The following NCAM2 variants were observed in gnomAD, a reference collection of about 807,000 sequenced individuals.
NCAM2 encodes the protein N-CAM-2.
In NCAM2, 30 loss-of-function variants were observed where a neutral mutation model predicts 98.1. The observed-to-expected ratio is 0.31, with a 90% CI of 0.23 to 0.41. NCAM2 has a LOEUF of 0.41. Ranked by LOEUF, NCAM2 falls within the 10% of genes least tolerant of loss-of-function variation. The probability of loss-of-function intolerance (pLI) is 1.00; values close to 1 mark genes in which losing one functional copy is unlikely to be tolerated. For synonymous variants in NCAM2, 368 were observed against 342.4 expected (o/e 1.07, Z -0.83); for missense variants, 867 against 1,005.8 (o/e 0.86, Z 1.87).
intron 1 of NCAM2, among the ~76,000 whole-genome samples, chr21:21,189,554 C>T (rs989215656): frequency 2.0e-5 from 3 of 152,018 alleles, no homozygotes; most frequent in African/African-American, 4.8e-5. Context: ...AGCAAGACCT[C>T]GTCTCTATTT....
At chr21:21,215,469 C>A (rs1239094517) in intron 1 of NCAM2, among the ~76,000 whole-genome samples, 1 of 152,056 alleles carries the variant, frequency 6.6e-6, no homozygotes, top group African/African-American at 2.4e-5. Context: ...CCTGTAATCC[C>A]AGCACTTTGG....
intron 1 of NCAM2, among the ~76,000 whole-genome samples, chr21:21,268,882 A>C (rs1009901965): frequency 1.4e-4 from 22 of 152,172 alleles, no homozygotes; most frequent in Admixed American, 6.6e-4. Flanking sequence ...TAGGAGTTAC[A>C]GTCTAAGCAC....
intron 1 of NCAM2, among the ~76,000 whole-genome samples, chr21:21,268,127 G>C (rs763300218): frequency 3.3e-5 from 5 of 152,048 alleles, no homozygotes; most frequent in East Asian, 1.9e-4. Flanking sequence ...CGCATGACTC[G>C]GTCTAAGTCA....
intron 9 of NCAM2, among the ~76,000 whole-genome samples, chr21:21,378,097 A>T (rs1381483784): frequency 2.0e-5 from 3 of 151,974 alleles, no homozygotes; most frequent in African/African-American, 4.8e-5. Context: ...GTGGACATTT[A>T]GGTTGATTCC....
intron 12 of NCAM2, among the ~76,000 whole-genome samples, chr21:21,456,245 G>C (rs995375444): frequency 6.6e-6 from 1 of 152,092 alleles, no homozygotes; most frequent in African/African-American, 2.4e-5. Flanking sequence ...AGAATATGCT[G>C]GCCAGAGTGT....
At chr21:21,268,216 C>T (rs1260987867) in intron 1 of NCAM2, among the ~76,000 whole-genome samples, 1 of 152,154 alleles carries the variant, frequency 6.6e-6, no homozygotes, top group Admixed American at 6.5e-5. Context: ...GCTCCATGTT[C>T]CATCCCACTC....
chr21:21,248,031 G>A (rs1379651220), intron 1 of NCAM2, among the ~76,000 whole-genome samples: 1 of 152,126 alleles, frequency 6.6e-6, no homozygotes, highest in Non-Finnish European at 1.5e-5. Flanking sequence ...ACTTGTGCAT[G>A]TGTGTGTGAT....
intron 1 of NCAM2, among the ~76,000 whole-genome samples, chr21:20,999,982 G>A (rs1487307131): frequency 6.6e-6 from 1 of 152,180 alleles, no homozygotes; most frequent in African/African-American, 2.4e-5. Flanking sequence ...TATTCCTATA[G>A]TTTGTAAAGT....
intron 8 of NCAM2, among the ~76,000 whole-genome samples, chr21:21,345,348 G>C (rs2075157853): frequency 1.3e-5 from 2 of 151,882 alleles, no homozygotes; most frequent in Admixed American, 1.3e-4. Context: ...ATTCAAAATA[G>C]TTGTGTTGAG....
At chr21:21,235,585 G>A (rs1178640841) in intron 1 of NCAM2, among the ~76,000 whole-genome samples, 1 of 151,850 alleles carries the variant, frequency 6.6e-6, no homozygotes, top group Non-Finnish European at 1.5e-5. Flanking sequence ...AAATCAGTTA[G>A]GACCTTTTGT....
chr21:21,524,609 AAG>A (rs1362592072), intron 16 of NCAM2, among the ~76,000 whole-genome samples: 1 of 151,958 alleles, frequency 6.6e-6, no homozygotes, highest in Non-Finnish European at 1.5e-5. Flanking sequence ...TTTGGGAAAA[AAG>A]AGAAAAAAAT....
At chr21:21,152,365 T>C (rs2067472568) in intron 1 of NCAM2, among the ~76,000 whole-genome samples, 1 of 151,676 alleles carries the variant, frequency 6.6e-6, no homozygotes, top group African/African-American at 2.4e-5. Flanking sequence ...ATTTTTCATT[T>C]ATATATATTT....
At chr21:21,081,918 A>G (rs2065810429) in intron 1 of NCAM2, among the ~76,000 whole-genome samples, 3 of 152,114 alleles carry the variant, frequency 2.0e-5, no homozygotes, top group African/African-American at 7.2e-5. Context: ...TACGCATTCA[A>G]TAATTGCTCA....
At chr21:21,028,972 A>T (rs1354132304) in intron 1 of NCAM2, among the ~76,000 whole-genome samples, 1 of 152,232 alleles carries the variant, frequency 6.6e-6, no homozygotes, top group African/African-American at 2.4e-5. Flanking sequence ...AAAATTCAGC[A>T]TGGAAAACTG....
intron 1 of NCAM2, among the ~76,000 whole-genome samples, chr21:21,002,037 G>C (rs73228136): frequency 0.065 from 9,863 of 152,192 alleles, 320 homozygotes; most frequent in African/African-American, 0.074. Flanking sequence ...TCTATCTGCT[G>C]TGCTCTAATT....
chr21:21,110,752 A>T (rs2066437918), intron 1 of NCAM2, among the ~76,000 whole-genome samples: 1 of 151,962 alleles, frequency 6.6e-6, no homozygotes, highest in Admixed American at 6.5e-5. Context: ...ATTGTCCTTT[A>T]TGAGAAGGCA....
At chr21:21,343,358 TACACACACACAC>T (rs71195322) in intron 8 of NCAM2, among the ~76,000 whole-genome samples, 9 of 120,798 alleles carry the variant, frequency 7.5e-5, no homozygotes, top group East Asian at 2.4e-4. Context: ...TCTATACACA[TACACACACACAC>T]ACACACACAC....
At chr21:21,294,890 G>C (rs112104042) in intron 5 of NCAM2, among the ~76,000 whole-genome samples, 2,494 of 151,344 alleles carry the variant, frequency 0.016, 71 homozygotes, top group African/African-American at 0.056. Flanking sequence ...AAATTTTGAG[G>C]CTGCAAAAAA....
At chr21:21,266,507 G>C (rs944995340) in intron 1 of NCAM2, among the ~76,000 whole-genome samples, 1 of 152,120 alleles carries the variant, frequency 6.6e-6, no homozygotes, top group Non-Finnish European at 1.5e-5. Flanking sequence ...TTAAGAAAAT[G>C]TGGCACATAT....
Sources: gnomAD v4.1 joint callset for allele counts (sites outside exome capture counted in the v4.1 genomes callset) on GRCh38, gnomAD v4.1.1 for gene constraint, MANE v1.5 for transcripts, NCBI Gene and HGNC (gene_info 2026-07-23, HGNC 2026-07-21) for gene names.